MECOM: variants seen among roughly 807,000 people sequenced by gnomAD.
MECOM encodes histone-lysine N-methyltransferase MECOM.
MECOM carries 13 observed loss-of-function variants against 116.3 expected under a neutral mutation model. The observed-to-expected ratio is 0.11, with a 90% CI of 0.07 to 0.18. The LOEUF is 0.18. Among genes scored for constraint, MECOM ranks in the 10% least tolerant of loss-of-function variants. The pLI is 1.00. For missense variants in MECOM, 1,299 were observed against 1,509.0 expected (o/e 0.86, Z 2.31); for synonymous variants, 528 against 535.2 (o/e 0.99, Z 0.19).
intron 2 of MECOM, among the ~76,000 whole-genome samples, chr3:169,321,856 A>T (rs971640309): frequency 6.6e-6 from 1 of 152,234 alleles, no homozygotes; most frequent in Admixed American, 6.5e-5. Context: ...AAGAGGAAAG[A>T]CACTACTCAT....
chr3:169,239,824 G>A (rs542011205), intron 2 of MECOM, among the ~76,000 whole-genome samples: 11 of 152,200 alleles, frequency 7.2e-5, no homozygotes, highest in African/African-American at 1.7e-4. Flanking sequence ...ACTTTGAGGC[G>A]AAATAGGACA....
At chr3:169,207,786 T>G (rs1750142143) in intron 2 of MECOM, among the ~76,000 whole-genome samples, 2 of 152,178 alleles carry the variant, frequency 1.3e-5, no homozygotes, top group African/African-American at 4.8e-5. Context: ...CTCCATCAAA[T>G]GCCACCTTGT....
At chr3:169,146,895 T>C in intron 2 of MECOM, 1 of 1,027,698 alleles carries the variant, frequency 9.7e-7, no homozygotes, top group Non-Finnish European at 1.2e-6. Flanking sequence ...TTTAAAAGCC[T>C]CGCGTCTCGA....
chr3:169,288,058 A>C (rs1383412195), intron 2 of MECOM, among the ~76,000 whole-genome samples: 1 of 152,222 alleles, frequency 6.6e-6, no homozygotes, highest in Non-Finnish European at 1.5e-5. Flanking sequence ...AGCAGCCAGC[A>C]TGTCACTGCT....
rs568553551 is a variant in MECOM, at chr3:169,296,696, A to G, written c.375+84491T>C. 3.9e-5 allele frequency among the ~76,000 whole-genome samples: 6 copies of G among 152,350 alleles called. No individual in the cohort carries two copies. In the East Asian group the frequency reaches 1.2e-3, roughly 29 times the overall value. Reference sequence around the variant, plus strand: ...AATTATAGTAATAAAGGAGTGAGGAAAATAAATAACAGGAATAGACTTGGC... The same window carrying G: ...AATTATAGTAATAAAGGAGTGAGGAGAATAAATAACAGGAATAGACTTGGC... On this transcript the variant is annotated intron_variant, in intron 2 of 16. Coordinates refer to ENST00000651503, the MANE Select transcript of MECOM (RefSeq NM_004991.4).
At chr3:169,600,322 A>G (rs1767688154) in intron 1 of MECOM, among the ~76,000 whole-genome samples, 1 of 152,200 alleles carries the variant, frequency 6.6e-6, no homozygotes, top group Non-Finnish European at 1.5e-5. Flanking sequence ...ATAGCAAATT[A>G]TAAGTACTCC....
At chr3:169,191,697 T>A (rs1240384600) in intron 2 of MECOM, among the ~76,000 whole-genome samples, 4 of 68,198 alleles carry the variant, frequency 5.9e-5, no homozygotes, top group African/African-American at 1.3e-4. Flanking sequence ...GAAAAAGAGA[T>A]AGAAAAGAAA....
chr3:169,175,778 T>A (rs1745068484), intron 2 of MECOM, among the ~76,000 whole-genome samples: 1 of 152,154 alleles, frequency 6.6e-6, no homozygotes, highest in Admixed American at 6.5e-5. Flanking sequence ...GATGGGTAGG[T>A]ACTCAATAAT....
intron 2 of MECOM, among the ~76,000 whole-genome samples, chr3:169,207,003 T>C (rs1577344402): frequency 6.6e-6 from 1 of 152,288 alleles, no homozygotes; most frequent in East Asian, 1.9e-4. Context: ...TTGAAACTAC[T>C]TCTAGTAAAC....
chr3:169,341,793 G>C (rs1377042976), intron 2 of MECOM, among the ~76,000 whole-genome samples: 6 of 150,618 alleles, frequency 4.0e-5, no homozygotes, highest in Admixed American at 3.3e-4. Context: ...GCACAACAAG[G>C]TGTCTATAAT....
At chr3:169,632,614 C>G (rs1162113667) in intron 1 of MECOM, among the ~76,000 whole-genome samples, 1 of 152,186 alleles carries the variant, frequency 6.6e-6, no homozygotes, top group Non-Finnish European at 1.5e-5. Flanking sequence ...TCCATACTCT[C>G]CAAGTTTATG....
chr3:169,185,944 T>C (rs1315077903), intron 2 of MECOM, among the ~76,000 whole-genome samples: 1 of 152,166 alleles, frequency 6.6e-6, no homozygotes, highest in Non-Finnish European at 1.5e-5. Flanking sequence ...CTATACATCA[T>C]TTTCTGCTAT....
chr3:169,367,494 C>T (rs1432702907), intron 2 of MECOM, among the ~76,000 whole-genome samples: 2 of 151,764 alleles, frequency 1.3e-5, no homozygotes, highest in Non-Finnish European at 2.9e-5. Context: ...CTGGTCGATT[C>T]CAAAATGATA....
chr3:169,257,864 T>C (rs574274721), intron 2 of MECOM, among the ~76,000 whole-genome samples: 1 of 152,302 alleles, frequency 6.6e-6, no homozygotes, highest in African/African-American at 2.4e-5. Context: ...GATAGAAGCC[T>C]ATGTTGATAT....
chr3:169,146,314 G>C, intron 2 of MECOM: 1 of 1,272,096 alleles, frequency 7.9e-7, no homozygotes, highest in Non-Finnish European at 1.0e-6. Flanking sequence ...GGTGGAACTC[G>C]GCCGAGAGCG....
intron 1 of MECOM, among the ~76,000 whole-genome samples, chr3:169,466,214 T>C (rs187900041): frequency 6.6e-6 from 1 of 152,206 alleles, no homozygotes; most frequent in African/African-American, 2.4e-5. Flanking sequence ...GATATGCATA[T>C]GCCAAATGGA....
chr3:169,112,019 G>T (rs1374961956), intron 9 of MECOM, among the ~76,000 whole-genome samples: 4 of 152,112 alleles, frequency 2.6e-5, no homozygotes, highest in Non-Finnish European at 4.4e-5. Context: ...ACCAGAGCTT[G>T]CATCCTTTAA....
At chr3:169,227,007 T>C (rs1752807039) in intron 2 of MECOM, among the ~76,000 whole-genome samples, 1 of 152,162 alleles carries the variant, frequency 6.6e-6, no homozygotes, top group Admixed American at 6.5e-5. Context: ...GTTTTTTCAT[T>C]GTGTGACCTT....
intron 1 of MECOM, among the ~76,000 whole-genome samples, chr3:169,491,187 A>G (rs977822851): frequency 6.6e-6 from 1 of 152,178 alleles, no homozygotes; most frequent in Non-Finnish European, 1.5e-5. Context: ...AATCAAATGA[A>G]TTATTGAGTA....
Sources: allele counts gnomAD v4.1 joint callset (sites outside exome capture counted in the v4.1 genomes callset), GRCh38; gene constraint gnomAD v4.1.1; transcripts MANE v1.5; gene names NCBI Gene and HGNC (gene_info 2026-07-23, HGNC 2026-07-21).